The following PIK3CA variants were observed in gnomAD, a reference collection of about 807,000 sequenced individuals.
PIK3CA encodes phosphatidylinositol-4,5-bisphosphate 3-kinase catalytic subunit alpha.
In PIK3CA, 27 loss-of-function variants were observed where a neutral mutation model predicts 138.2. The observed-to-expected ratio is 0.20, with a 90% CI of 0.14 to 0.27. The LOEUF (loss-of-function observed/expected upper bound fraction) is 0.27, where lower values mean the gene tolerates loss of function less well. Among genes scored for constraint, PIK3CA ranks in the 10% least tolerant of loss-of-function variants. PIK3CA has a pLI of 1.00. For synonymous variants in PIK3CA, 358 were observed against 413.2 expected (o/e 0.87, Z 1.62); for missense variants, 544 against 1,277.4 (o/e 0.43, Z 8.75).
chr3:179,225,866 G>C (rs1725069980), intron 16 of PIK3CA, 96 bp from the exon 17 acceptor site: 1 of 640,698 alleles, frequency 1.6e-6, no homozygotes, highest in African/African-American at 1.8e-5. Flanking sequence ...AGTAAATATA[G>C]CTGTATTTGT....
chr3:179,213,248 A>G (rs758219683), intron 9 of PIK3CA, among the ~76,000 whole-genome samples: 1 of 152,186 alleles, frequency 6.6e-6, no homozygotes, highest in Non-Finnish European at 1.5e-5. Context: ...TAAAGCAGAA[A>G]TCACAATAGA....
intron 15 of PIK3CA, 63 bp from the exon 16 acceptor site, chr3:179,224,637 A>G: frequency 9.1e-7 from 1 of 1,102,740 alleles, no homozygotes; most frequent in Non-Finnish European, 1.3e-6. Context: ...ATTTTAAAAT[A>G]AATTTCAGGG....
In PIK3CA at chr3:179,175,710, A is replaced by AT. The variant is rs57751136; in HGVS notation, c.-76-23026dup. Among the ~76,000 whole-genome samples, 207 of 140,526 alleles carry AT rather than the reference A, an allele frequency of 1.5e-3. No individual in the cohort carries two copies. In the South Asian group the frequency reaches 0.017, roughly 12 times the overall value. The allele number at this position is 140,526 out of a possible 152,430, so 92.2% of individuals were successfully genotyped here. On this transcript the variant is annotated intron_variant, in intron 1 of 20. Transcript: ENST00000263967. ...TAACTTTAACTTCAAACATTTGTTGATTTTTTTTTTTTTTCAGTTCTTATT... is the reference window on the plus strand; with the variant it reads ...TAACTTTAACTTCAAACATTTGTTGATTTTTTTTTTTTTTTCAGTTCTTATT...
At chr3:179,205,007 C>G (rs1037446477) in intron 6 of PIK3CA, among the ~76,000 whole-genome samples, 1 of 107,612 alleles carries the variant, frequency 9.3e-6, no homozygotes, top group Non-Finnish European at 1.7e-5. Context: ...GGCAACAGAG[C>G]GAGACTCCGT....
intron 14 of PIK3CA, among the ~76,000 whole-genome samples, chr3:179,221,494 C>T (rs1412536042): frequency 2.0e-5 from 3 of 152,018 alleles, no homozygotes; most frequent in East Asian, 3.9e-4. Context: ...TTCTCTTATT[C>T]AGGTCCCTAA....
At chr3:179,184,986 C>T (rs900813415) in intron 1 of PIK3CA, among the ~76,000 whole-genome samples, 5 of 152,116 alleles carry the variant, frequency 3.3e-5, no homozygotes, top group African/African-American at 1.2e-4. Context: ...AAATTATGTC[C>T]TCACCCCATG....
intron 1 of PIK3CA, among the ~76,000 whole-genome samples, chr3:179,198,532 A>G (rs532897473): frequency 6.6e-6 from 1 of 152,360 alleles, no homozygotes; most frequent in African/African-American, 2.4e-5. Context: ...TATTAAATTT[A>G]ATTAAATACA....
intron 9 of PIK3CA, among the ~76,000 whole-genome samples, chr3:179,216,795 GTTATT>G (rs1724845482): frequency 6.6e-6 from 1 of 151,962 alleles, no homozygotes; most frequent in Non-Finnish European, 1.5e-5. Flanking sequence ...TCTTCTGTAA[GTTATT>G]TTATATTTAA....
intron 1 of PIK3CA, among the ~76,000 whole-genome samples, chr3:179,148,853 C>T (rs551955313): frequency 2.0e-5 from 3 of 152,294 alleles, no homozygotes; most frequent in Admixed American, 6.5e-5. Flanking sequence ...CCTCGCTCTT[C>T]CTTTGCTTCT....
At chr3:179,176,115 A>C (rs1442756827) in intron 1 of PIK3CA, among the ~76,000 whole-genome samples, 2 of 152,170 alleles carry the variant, frequency 1.3e-5, no homozygotes, top group Non-Finnish European at 2.9e-5. Context: ...TACTGAAGAA[A>C]GGGACTTTGG....
intron 17 of PIK3CA, among the ~76,000 whole-genome samples, chr3:179,228,243 G>A (rs931037474): frequency 6.6e-5 from 10 of 152,044 alleles, no homozygotes; most frequent in Non-Finnish European, 1.3e-4. Context: ...TCTTTCTGAT[G>A]AGATTCTTGG....
In PIK3CA at chr3:179,234,144, A is replaced by T. The variant is rs1245520052; in HGVS notation, c.2987A>T (p.Asn996Ile). 1 of 1,613,010 alleles carries T rather than the reference A, an allele frequency of 6.2e-7. No individual in the cohort carries two copies. Among genetic ancestry groups the T allele is most frequent in the Non-Finnish European group, 8.5e-7 (1 of 1,179,130 alleles). Residue 996 changes from asparagine (N) to isoleucine (I), a missense_variant, in exon 21 of 21, where the codon AAT becomes ATT. Asn to Ile is a moderately radical substitution (Grantham distance 149, BLOSUM62 -3). This residue lies in a region of PIK3CA where 13 missense variants were observed against 17.3 expected (regional missense o/e 0.75). Transcript: ENST00000263967. This position sits in a 1 kb window ranked among gnomAD's most constrained non-coding sequence, Gnocchi z 5.1. Reference sequence around the variant, plus strand: ...TATCTAGCTATTCGACAGCATGCCAATCTCTTCATAAATCTTTTCTCAATG... The same window carrying T: ...TATCTAGCTATTCGACAGCATGCCATTCTCTTCATAAATCTTTTCTCAATG... ...KAYLAIRQHANLFINLFSMML... is the reference protein window; with the variant it reads ...KAYLAIRQHAILFINLFSMML...
Position 179,215,552 on chromosome 3 carries a change from A to G in PIK3CA, c.1540-2658A>G, listed in dbSNP as rs577145737. 3.3e-5 allele frequency among the ~76,000 whole-genome samples: 5 copies of G among 152,210 alleles called. No individual in the cohort carries two copies. In the South Asian group the frequency reaches 1.0e-3, roughly 32 times the overall value. ...CTAAAATAATATGAAAATATAAAAG[A>G]AGGATAGAATAGCCTAGAAGGACAA... On this transcript the variant is annotated intron_variant, in intron 9 of 20. Coordinates refer to ENST00000263967, the MANE Select transcript of PIK3CA (RefSeq NM_006218.4).
chr3:179,198,750 GT>G lies in PIK3CA; in HGVS notation c.-73del, dbSNP rs1305674605. 15 of 747,446 alleles carry G rather than the reference GT, an allele frequency of 2.0e-5. No individual in the cohort carries two copies. The highest frequency in any genetic ancestry group is 3.0e-5 in the Non-Finnish European group (14 of 469,898). The allele number at this position is 747,446 out of a possible 1,614,324, so 46.3% of individuals were successfully genotyped here. On this transcript the variant is annotated splice_region_variant and 5_prime_UTR_variant, in exon 2 of 21. The change creates a premature stop within an existing upstream ORF in the 5' untranslated region. Transcript: ENST00000263967. ...CATATGTTTTCCTTCTTTGATTTAGGTTTCTGCTTTGGGACAACCATACATC... is the reference window on the plus strand; with the variant it reads ...CATATGTTTTCCTTCTTTGATTTAGGTTCTGCTTTGGGACAACCATACATC...
At chr3:179,188,345 C>G (rs933528855) in intron 1 of PIK3CA, among the ~76,000 whole-genome samples, 4 of 152,178 alleles carry the variant, frequency 2.6e-5, no homozygotes, top group Admixed American at 2.0e-4. Context: ...ATTCTGTCCA[C>G]CTGTCTTACC....
Position 179,158,844 on chromosome 3 carries a change from G to C in PIK3CA, c.-77+10241G>C, listed in dbSNP as rs184765113. On this transcript the variant is annotated intron_variant, in intron 1 of 20. Transcript: ENST00000263967. The stretch of plus-strand genomic sequence containing the variant: ...ACTGATACGAGTTTCTGTGGTATCG[G>C]CTACCTGGTTTTAGTACTGTTGTTA... Among the ~76,000 whole-genome samples the C allele has an allele frequency of 6.4e-3, 979 of 152,196 alleles. 6 individuals carry two copies. Among genetic ancestry groups the C allele is most frequent in the Admixed American group, 0.012 (184 of 15,288 alleles).
intron 2 of PIK3CA, 108 bp downstream of exon 2, chr3:179,199,285 T>C: frequency 1.5e-6 from 1 of 652,286 alleles, no homozygotes; most frequent in South Asian, 2.7e-5. Flanking sequence ...CTTAAATAGC[T>C]TTCTAAATAA....
intron 9 of PIK3CA, among the ~76,000 whole-genome samples, chr3:179,213,508 G>T (rs1210857479): frequency 6.6e-6 from 1 of 152,212 alleles, no homozygotes; most frequent in Non-Finnish European, 1.5e-5. Context: ...CAAGCTGGTG[G>T]TTGCTGAAGT....
At position 179,211,744 on chromosome 3, in the gene PIK3CA, T is replaced by C. The variant is rs1010953369; in HGVS notation, c.1539+1179T>C. ...TACTTCATCACTTCAGTAAATTGTT[T>C]ATTGCAGTGAAAAGTGATCTCTCAC... is the stretch of plus-strand genomic sequence containing the variant. On this transcript the variant is annotated intron_variant, in intron 9 of 20. Coordinates refer to ENST00000263967, the MANE Select transcript of PIK3CA (RefSeq NM_006218.4). Among the ~76,000 whole-genome samples the C allele has an allele frequency of 4.6e-5, 7 of 152,304 alleles. No homozygotes were observed. In the East Asian group the frequency reaches 1.4e-3, roughly 29 times the overall value.
Sources: allele counts gnomAD v4.1 joint callset (sites outside exome capture counted in the v4.1 genomes callset), GRCh38; gene constraint gnomAD v4.1.1; regional missense constraint gnomAD v4.1.1; non-coding constraint Gnocchi (gnomAD v3.1); transcripts MANE v1.5; gene names NCBI Gene and HGNC (gene_info 2026-07-23, HGNC 2026-07-21).